SYTL3: variants seen among roughly 807,000 people sequenced by gnomAD.
SYTL3 encodes synaptotagmin like 3, also known as synaptotagmin-like protein 3.
A neutral mutation model predicts 82.1 loss-of-function variants in SYTL3; 88 were observed. The observed-to-expected ratio is 1.07, with a 90% CI of 0.90 to 1.28. SYTL3 has a LOEUF of 1.28. Among genes scored for constraint, SYTL3 ranks in the 50% most tolerant of loss-of-function variants. The probability of loss-of-function intolerance (pLI) is 0.00; values close to 1 mark genes in which losing one functional copy is unlikely to be tolerated. For synonymous variants in SYTL3, 311 were observed against 289.4 expected, an observed-to-expected ratio of 1.07 and a Z score of -0.76; for missense variants, 831 against 757.6, an observed-to-expected ratio of 1.10 and a Z score of -1.14.
intron 1 of SYTL3, among the ~76,000 whole-genome samples, chr6:158,650,748 G>C (rs1787901902): frequency 1.3e-5 from 2 of 150,638 alleles, no homozygotes; most frequent in South Asian, 4.2e-4. Flanking sequence ...TTTGAGACCA[G>C]CCTGGCCAAC....
chr6:158,650,001 C>G (rs1270327460), upstream of SYTL3: 2 of 152,072 alleles, frequency 1.3e-5, no homozygotes, highest in Non-Finnish European at 2.9e-5. Flanking sequence ...AGAAATACGT[C>G]AGTTACTCTA....
chr6:158,763,472 G>A lies in SYTL3; in HGVS notation c.1686G>A (p.Met562Ile). Reference sequence around the variant, plus strand: ...TCTGGGATCAGGCCCTCTTTGGAATGAACGACCGCTTGCTTGGAGGAACCA... The same window carrying A: ...TCTGGGATCAGGCCCTCTTTGGAATAAACGACCGCTTGCTTGGAGGAACCA... ...LTVWDQALFG[M>I]NDRLLGGTRL... Residue 562 changes from methionine (M) to isoleucine (I), a missense_variant, in exon 17 of 18, where the codon ATG becomes ATA. Coordinates refer to ENST00000611299, the MANE Select transcript of SYTL3 (RefSeq NM_001242394.2). 6.2e-7 allele frequency: 1 copy of A among 1,614,170 alleles called. No homozygotes were observed. The highest frequency in any genetic ancestry group is 8.5e-7 in the Non-Finnish European group (1 of 1,180,024).
At chr6:158,747,136 G>A (rs910802453) in intron 12 of SYTL3, among the ~76,000 whole-genome samples, 5 of 150,750 alleles carry the variant, frequency 3.3e-5, no homozygotes, top group African/African-American at 9.8e-5. Context: ...ACAGGTGCCC[G>A]CCACCACACC....
chr6:158,666,421 A>G (rs556979089), intron 5 of SYTL3, among the ~76,000 whole-genome samples: 1 of 152,268 alleles, frequency 6.6e-6, no homozygotes, highest in East Asian at 1.9e-4. Context: ...TGCGTTCCCC[A>G]TTCTGAAAAC....
chr6:158,743,489 C>G (rs1159336759), intron 11 of SYTL3, among the ~76,000 whole-genome samples: 2 of 151,858 alleles, frequency 1.3e-5, no homozygotes, highest in Non-Finnish European at 2.9e-5. Flanking sequence ...CGTTCATCTA[C>G]CTGGTTCTTC....
At chr6:158,703,087 G>C (rs1781513693) in intron 6 of SYTL3, among the ~76,000 whole-genome samples, 1 of 149,892 alleles carries the variant, frequency 6.7e-6, no homozygotes, top group Non-Finnish European at 1.5e-5. Flanking sequence ...CTGGGAGGCG[G>C]AGGTTGCAGT....
intron 6 of SYTL3, among the ~76,000 whole-genome samples, chr6:158,695,401 G>A (rs1780453839): frequency 6.6e-6 from 1 of 152,158 alleles, no homozygotes; most frequent in Non-Finnish European, 1.5e-5. Flanking sequence ...CATTAGACTA[G>A]TTTTTAGGGA....
intron 11 of SYTL3, chr6:158,726,771 C>T: frequency 5.2e-6 from 1 of 193,322 alleles, no homozygotes; most frequent in South Asian, 1.0e-4. Flanking sequence ...GAGATGTTTT[C>T]AGTGTCTGTT....
At chr6:158,720,671 T>G (rs956816207) in intron 10 of SYTL3, among the ~76,000 whole-genome samples, 1 of 152,198 alleles carries the variant, frequency 6.6e-6, no homozygotes, top group Admixed American at 6.5e-5. Context: ...GTTAACCAGA[T>G]GCCTGGCATT....
chr6:158,717,253 A>G (rs1000469065), intron 9 of SYTL3, among the ~76,000 whole-genome samples: 1 of 152,152 alleles, frequency 6.6e-6, no homozygotes, highest in Non-Finnish European at 1.5e-5. Flanking sequence ...CATTCTGGGC[A>G]ACAGAGTGAG....
chr6:158,690,010 C>G (rs1389291507), intron 6 of SYTL3, among the ~76,000 whole-genome samples: 1 of 152,188 alleles, frequency 6.6e-6, no homozygotes, highest in East Asian at 1.9e-4. Flanking sequence ...CTTGATGTTC[C>G]TGGTACCATT....
chr6:158,691,413 G>A (rs138740785), intron 6 of SYTL3, among the ~76,000 whole-genome samples: 8 of 151,626 alleles, frequency 5.3e-5, no homozygotes, highest in Non-Finnish European at 1.0e-4. Context: ...TTTAAGTAAA[G>A]TAACAAAATT....
rs982220059 is a variant in SYTL3, at chr6:158,681,770, T to A, written c.330-1155T>A. Among the ~76,000 whole-genome samples the A allele has an allele frequency of 1.8e-4, 28 of 152,230 alleles. 1 individual carries two copies. The highest frequency in any genetic ancestry group is 1.8e-3 in the Admixed American group (27 of 15,288). On this transcript the variant is annotated intron_variant, in intron 5 of 17. Coordinates refer to ENST00000611299, the MANE Select transcript of SYTL3 (RefSeq NM_001242394.2). ...TCCATACTTCAGGTCCTCCCAAGAA[T>A]CTTCTCAGGTAACCCTGCTCTGTGG...
upstream of SYTL3, among the ~76,000 whole-genome samples, chr6:158,648,607 A>AAAT (rs1554234541): frequency 5.8e-3 from 735 of 127,234 alleles, 55 homozygotes; most frequent in Middle Eastern, 0.016. Flanking sequence ...AAAAAAAAAA[A>AAAT]AATAATAATA....
intron 2 of SYTL3, among the ~76,000 whole-genome samples, chr6:158,660,367 A>C (rs1789235042): frequency 6.6e-6 from 1 of 152,222 alleles, no homozygotes; most frequent in Non-Finnish European, 1.5e-5. Context: ...TGGATCCAGG[A>C]AATGAACTGA....
intron 7 of SYTL3, among the ~76,000 whole-genome samples, chr6:158,707,934 A>C (rs1782288789): frequency 6.6e-6 from 1 of 152,088 alleles, no homozygotes; most frequent in Non-Finnish European, 1.5e-5. Context: ...TTCGTGGTTG[A>C]TTCTCACATC....
chr6:158,759,875 C>G (rs1224374808), intron 14 of SYTL3, among the ~76,000 whole-genome samples: 2 of 152,124 alleles, frequency 1.3e-5, no homozygotes, highest in African/African-American at 4.8e-5. Flanking sequence ...CATAAACTTT[C>G]TTAAAACATG....
At chr6:158,654,825 GC>G (rs1788478060) in intron 2 of SYTL3, among the ~76,000 whole-genome samples, 1 of 152,178 alleles carries the variant, frequency 6.6e-6, no homozygotes, top group Non-Finnish European at 1.5e-5. Flanking sequence ...TGTCGGGGGG[GC>G]TTCTCCACAT....
At chr6:158,702,501 C>T (rs1025798706) in intron 6 of SYTL3, among the ~76,000 whole-genome samples, 2 of 151,588 alleles carry the variant, frequency 1.3e-5, no homozygotes, top group African/African-American at 4.8e-5. Context: ...ATGATCACAG[C>T]ACTGCACTCC....
Sources: gnomAD v4.1 joint callset for allele counts (sites outside exome capture counted in the v4.1 genomes callset) on GRCh38, gnomAD v4.1.1 for gene constraint, MANE v1.5 for transcripts, NCBI Gene and HGNC (gene_info 2026-07-23, HGNC 2026-07-21) for gene names.